Variants in N4BP2 observed in about 807,000 individuals in gnomAD.
The protein encoded by N4BP2 is NEDD4 binding protein 2, also known as NEDD4-binding protein 2.
N4BP2 carries 91 observed loss-of-function variants against 152.8 expected under a neutral mutation model. The observed-to-expected ratio is 0.60, with a 90% CI of 0.50 to 0.71. The LOEUF is 0.71. Among genes scored for constraint, N4BP2 ranks in the 30% least tolerant of loss-of-function variants. The probability of loss-of-function intolerance (pLI) is 0.00; values close to 1 mark genes in which losing one functional copy is unlikely to be tolerated. For missense variants in N4BP2, 1,923 were observed against 2,059.1 expected (o/e 0.93, Z 1.28); for synonymous variants, 646 against 705.3 (o/e 0.92, Z 1.33).
intron 16 of N4BP2, among the ~76,000 whole-genome samples, chr4:40,145,797 G>C (rs1483271190): frequency 6.6e-6 from 1 of 152,036 alleles, no homozygotes; most frequent in African/African-American, 2.4e-5. Context: ...ATTGTCTAGT[G>C]GGGTATACCA....
At chr4:40,108,517 T>C (rs1239420328) in intron 5 of N4BP2, among the ~76,000 whole-genome samples, 1 of 151,894 alleles carries the variant, frequency 6.6e-6, no homozygotes, top group East Asian at 1.9e-4. Context: ...GATTTCACCA[T>C]GTTGGCCAGG....
Position 40,120,365 on chromosome 4 carries a change from C to T in N4BP2, c.2254C>T (p.Pro752Ser). ...SGPLQNEKSS[P>S]GEIVEERATV... ...ACCACTTCAAAATGAAAAATCCTCA[C>T]CTGGTGAAATAGTGGAAGAAAGAGC... Residue 752 changes from proline to serine, a missense_variant, in exon 9 of 18, where the codon CCT becomes TCT. By Grantham distance (74) the Pro-to-Ser change is moderately conservative. Transcript: ENST00000261435. 1.2e-6 allele frequency: 2 copies of T among 1,613,160 alleles called. No individual in the cohort carries two copies. The highest frequency in any genetic ancestry group is 1.7e-6 in the Non-Finnish European group (2 of 1,179,796).
chr4:40,127,819 C>A (rs537277263), intron 12 of N4BP2, among the ~76,000 whole-genome samples: 2 of 152,206 alleles, frequency 1.3e-5, no homozygotes, highest in South Asian at 4.1e-4. Flanking sequence ...TGCCACCGCG[C>A]CCGGCTAATT....
At chr4:40,183,045 A>C in the N4BP2 span, among the ~76,000 whole-genome samples, 1 of 152,144 alleles carries the variant, frequency 6.6e-6, no homozygotes, top group Admixed American at 6.5e-5. Context: ...AATGTATAAA[A>C]CCAACCATGT....
chr4:40,174,286 A>C, the N4BP2 span, among the ~76,000 whole-genome samples: 1 of 152,060 alleles, frequency 6.6e-6, no homozygotes, highest in African/African-American at 2.4e-5. Flanking sequence ...CTGAGGCAGG[A>C]GAATCACTTG....
intron 1 of N4BP2, among the ~76,000 whole-genome samples, chr4:40,060,130 G>A (rs1733542311): frequency 6.6e-6 from 1 of 152,054 alleles, no homozygotes; most frequent in African/African-American, 2.4e-5. Context: ...CACTGTGCCT[G>A]CGCCTTGGGA....
intron 4 of N4BP2, among the ~76,000 whole-genome samples, chr4:40,104,361 T>A (rs1716036697): frequency 6.6e-6 from 1 of 151,950 alleles, no homozygotes; most frequent in Admixed American, 6.6e-5. Context: ...CTAGTCTTAA[T>A]GAATATGCAT....
At chr4:40,110,845 C>G (rs1716810023) in intron 5 of N4BP2, among the ~76,000 whole-genome samples, 1 of 152,012 alleles carries the variant, frequency 6.6e-6, no homozygotes, top group South Asian at 2.1e-4. Context: ...GCCTCCTTTG[C>G]CCATTTTTAA....
rs765981852 is a variant in N4BP2 at position 40,121,802 on chromosome 4, A to G, written c.3691A>G (p.Asn1231Asp). The G allele has an allele frequency of 6.2e-7, 1 of 1,614,118 alleles. No individual in the cohort carries two copies. Among genetic ancestry groups the G allele is most frequent in the Admixed American group, 1.7e-5 (1 of 60,008 alleles). ...FPSAAVGLKN[N>D]NDILPNSQEE... ...CAGTGCTGCTGTGGGTCTAAAGAATAATAATGACATACTTCCTAACAGCCA... is the reference window on the plus strand; with the variant it reads ...CAGTGCTGCTGTGGGTCTAAAGAATGATAATGACATACTTCCTAACAGCCA... The change falls in exon 9 of 18, where the codon AAT (asparagine) becomes GAT (aspartate). Residue 1231 changes from asparagine to aspartate, a missense_variant. Physicochemically the swap from Asn to Asp is conservative, Grantham distance 23. Transcript: ENST00000261435.
the N4BP2 span, among the ~76,000 whole-genome samples, chr4:40,172,047 T>C: frequency 1.3e-5 from 2 of 152,060 alleles, no homozygotes; most frequent in South Asian, 4.2e-4. Context: ...GCTGGGATTA[T>C]AGGCATGCGC....
the N4BP2 span, among the ~76,000 whole-genome samples, chr4:40,168,810 C>A: frequency 3.3e-5 from 5 of 151,722 alleles, no homozygotes; most frequent in African/African-American, 1.2e-4. Flanking sequence ...CTGCAACCTC[C>A]ACCTCCCTGG....
chr4:40,186,837 C>T, the N4BP2 span, among the ~76,000 whole-genome samples: 1 of 152,146 alleles, frequency 6.6e-6, no homozygotes, highest in Non-Finnish European at 1.5e-5. Flanking sequence ...TTCATTGAGC[C>T]CATGACTATT....
At chr4:40,115,533 G>C (rs1050069671) in intron 7 of N4BP2, among the ~76,000 whole-genome samples, 3 of 152,072 alleles carry the variant, frequency 2.0e-5, no homozygotes. Context: ...TATTTTAGCT[G>C]CTCTCAGAAT....
rs1721588143 is a variant in N4BP2 at position 40,156,241 on chromosome 4, T to C, written c.*2004T>C. 6.6e-6 allele frequency: 1 copy of C among 152,180 alleles called. No individual in the cohort carries two copies. The allele number at this position is 152,180 out of a possible 1,614,324, so 9.4% of individuals were successfully genotyped here. A position where few individuals can be genotyped will look rare whatever the true frequency, so the allele number is the denominator to read the frequency against. On this transcript the variant is annotated 3_prime_UTR_variant, in exon 18 of 18. Transcript: ENST00000261435. ...TTTCCTTACCTAGTTTTAAAAATCA[T>C]CACTTTTCGGCACTTCAGCTAGACT...
At chr4:40,136,343 AATCTATCTATCTATCTATCT>A (rs56276709) in intron 13 of N4BP2, among the ~76,000 whole-genome samples, 12 of 136,742 alleles carry the variant, frequency 8.8e-5, no homozygotes, top group East Asian at 2.1e-4. Flanking sequence ...TTAGAAATTG[AATCTATCTATCTATCTATCT>A]ATCTATCTAT....
chr4:40,089,271 T>C (rs997669984), intron 2 of N4BP2, among the ~76,000 whole-genome samples: 5 of 151,900 alleles, frequency 3.3e-5, no homozygotes, highest in African/African-American at 1.2e-4. Flanking sequence ...TGGCATACTG[T>C]TGAGTTTTGA....
intron 1 of N4BP2, among the ~76,000 whole-genome samples, chr4:40,060,120 C>T (rs930375820): frequency 6.6e-6 from 1 of 152,014 alleles, no homozygotes; most frequent in African/African-American, 2.4e-5. Context: ...AGGCGTGAGC[C>T]ACTGTGCCTG....
chr4:40,121,464 T>C lies in N4BP2; in HGVS notation c.3353T>C (p.Ile1118Thr). The C allele has an allele frequency of 3.1e-6, 5 of 1,614,022 alleles. No individual in the cohort carries two copies. Among genetic ancestry groups the C allele is most frequent in the Non-Finnish European group, 3.4e-6 (4 of 1,179,954 alleles). ...TTATATGAGAGGTGCAATAAAGATA[T>C]TATTTGGGCCACAAGCCTTTTGTTG... is the stretch of plus-strand genomic sequence containing the variant. ...KDLYERCNKDIIWATSLLLDS... is the reference protein window; with the variant it reads ...KDLYERCNKDTIWATSLLLDS... The change falls in exon 9 of 18, where the codon ATT becomes ACT. Residue 1118 changes from isoleucine to threonine, a missense_variant. Coordinates refer to ENST00000261435, the MANE Select transcript of N4BP2 (RefSeq NM_018177.6).
intron 10 of N4BP2, among the ~76,000 whole-genome samples, chr4:40,123,570 TG>T (rs1388446322): frequency 6.6e-6 from 1 of 152,040 alleles, no homozygotes; most frequent in Non-Finnish European, 1.5e-5. Flanking sequence ...ACTGCAGCCT[TG>T]AACTACTGGG....
Sources: gnomAD v4.1 joint callset for allele counts (sites outside exome capture counted in the v4.1 genomes callset) on GRCh38, gnomAD v4.1.1 for gene constraint, MANE v1.5 for transcripts, NCBI Gene and HGNC (gene_info 2026-07-23, HGNC 2026-07-21) for gene names.